Variants in FBXO34 observed in about 807,000 individuals in gnomAD.
FBXO34 encodes the protein F-box only protein 34.
A neutral mutation model predicts 24.5 loss-of-function variants in FBXO34; 12 were observed. The observed-to-expected ratio is 0.49, with a 90% CI of 0.31 to 0.79. FBXO34 has a LOEUF of 0.79. FBXO34 is among the 30% of genes least tolerant of loss of function. The pLI is 0.04. For missense variants in FBXO34, 823 were observed against 857.7 expected, an observed-to-expected ratio of 0.96 and a Z score of 0.51; for synonymous variants, 320 against 311.9, an observed-to-expected ratio of 1.03 and a Z score of -0.27.
chr14:55,292,796 T>C (rs1881985339), intron 1 of FBXO34, among the ~76,000 whole-genome samples: 1 of 152,168 alleles, frequency 6.6e-6, no homozygotes, highest in Admixed American at 6.5e-5. Context: ...TAGATTAGAC[T>C]CCCAATAGCA....
the FBXO34 span, chr14:55,411,629 A>G: frequency 6.2e-7 from 1 of 1,612,380 alleles, no homozygotes; most frequent in African/African-American, 1.3e-5. Context: ...GTCGAAGTAG[A>G]CGAAATCGCC....
chr14:55,429,124 T>A, the FBXO34 span: 1 of 929,372 alleles, frequency 1.1e-6, no homozygotes, highest in Non-Finnish European at 1.6e-6. Flanking sequence ...TTACTTCCCA[T>A]ACTTTCGTCC....
At chr14:55,421,138 T>C in the FBXO34 span, among the ~76,000 whole-genome samples, 1 of 151,334 alleles carries the variant, frequency 6.6e-6, no homozygotes, top group African/African-American at 2.4e-5. Context: ...TTTAAAGAAA[T>C]CTATAATAGG....
intron 1 of FBXO34, among the ~76,000 whole-genome samples, chr14:55,316,967 T>A (rs1882952550): frequency 6.6e-6 from 1 of 152,230 alleles, no homozygotes; most frequent in Non-Finnish European, 1.5e-5. Context: ...AAGCTCTGAA[T>A]ATGCAAGTAC....
chr14:55,380,806 T>C, the FBXO34 span: 1 of 476,486 alleles, frequency 2.1e-6, no homozygotes, highest in South Asian at 3.8e-5. Flanking sequence ...TTTTAGTGCT[T>C]CCTTAATAGA....
intron 1 of FBXO34, among the ~76,000 whole-genome samples, chr14:55,348,865 A>G (rs1307300881): frequency 6.6e-6 from 1 of 151,932 alleles, no homozygotes; most frequent in East Asian, 1.9e-4. Flanking sequence ...ATAACCTGAA[A>G]TCAGTTACCA....
chr14:55,299,761 A>G (rs1307739475), intron 1 of FBXO34, among the ~76,000 whole-genome samples: 7 of 152,230 alleles, frequency 4.6e-5, no homozygotes, highest in Non-Finnish European at 5.9e-5. Flanking sequence ...TCATTTACAT[A>G]CAAATATTTT....
At chr14:55,288,548 C>A (rs1161861000) in intron 1 of FBXO34, among the ~76,000 whole-genome samples, 1 of 152,166 alleles carries the variant, frequency 6.6e-6, no homozygotes, top group Non-Finnish European at 1.5e-5. Context: ...CTGTTTGATA[C>A]ATTTCTCAGA....
At chr14:55,314,157 C>T (rs1196818620) in intron 1 of FBXO34, among the ~76,000 whole-genome samples, 1 of 151,960 alleles carries the variant, frequency 6.6e-6, no homozygotes, top group African/African-American at 2.4e-5. Flanking sequence ...GTGATCCTTC[C>T]AGTTAGGCCT....
At chr14:55,441,274 G>A in the FBXO34 span, among the ~76,000 whole-genome samples, 7 of 152,182 alleles carry the variant, frequency 4.6e-5, no homozygotes, top group African/African-American at 1.7e-4. Context: ...CTCCCTAGCA[G>A]TTGGAATTAC....
the FBXO34 span, chr14:55,435,753 A>G: frequency 2.1e-6 from 2 of 931,674 alleles, no homozygotes; most frequent in Non-Finnish European, 3.1e-6. Context: ...ATTTTTTAAG[A>G]AAAAACAGAG....
the FBXO34 span, chr14:55,435,881 G>C: frequency 6.4e-7 from 1 of 1,572,938 alleles, no homozygotes; most frequent in Non-Finnish European, 8.6e-7. Context: ...TGCATGCAAA[G>C]CTATTTTCTT....
intron 1 of FBXO34, among the ~76,000 whole-genome samples, chr14:55,305,743 G>T (rs968314992): frequency 6.6e-6 from 1 of 151,794 alleles, no homozygotes; most frequent in East Asian, 1.9e-4. Flanking sequence ...ATAAAATTAC[G>T]TTATAAAAAT....
rs57284715 is a variant in FBXO34 at position 55,349,607 on chromosome 14, C to CTTTTTTTT, written c.-10-763_-10-756dup. Reference sequence around the variant, plus strand: ...GAATAGTTTAGGAAGCAATAATTTTCTTTTTTTTTTTTTTTTTTGAGACAA... The same window carrying CTTTTTTTT: ...GAATAGTTTAGGAAGCAATAATTTTCTTTTTTTTTTTTTTTTTTTTTTTTTTGAGACAA... On this transcript the variant is annotated intron_variant, in intron 1 of 1. Transcript: ENST00000313833. 5.1e-3 allele frequency among the ~76,000 whole-genome samples: 591 copies of CTTTTTTTT among 116,544 alleles called. 13 individuals carry two copies. Among genetic ancestry groups the CTTTTTTTT allele is most frequent in the South Asian group, 0.015 (54 of 3,612 alleles). The allele number at this position is 116,544 out of a possible 152,430, so 76.5% of individuals were successfully genotyped here.
At chr14:55,344,407 T>A (rs531818575) in intron 1 of FBXO34, among the ~76,000 whole-genome samples, 2 of 152,286 alleles carry the variant, frequency 1.3e-5, no homozygotes, top group East Asian at 3.9e-4. Flanking sequence ...CAGAAAACTT[T>A]CTCCTCATTG....
intron 1 of FBXO34, among the ~76,000 whole-genome samples, chr14:55,296,286 C>A (rs1223871225): frequency 6.7e-6 from 1 of 150,330 alleles, no homozygotes; most frequent in African/African-American, 2.5e-5. Flanking sequence ...TTAGATTCAG[C>A]AGGAAGGCAA....
intron 1 of FBXO34, among the ~76,000 whole-genome samples, chr14:55,341,988 G>T (rs1267764524): frequency 6.6e-6 from 1 of 152,012 alleles, no homozygotes; most frequent in African/African-American, 2.4e-5. Flanking sequence ...GTGTAAATTT[G>T]CATAATATTA....
chr14:55,299,539 A>C (rs1882272283), intron 1 of FBXO34, among the ~76,000 whole-genome samples: 1 of 152,138 alleles, frequency 6.6e-6, no homozygotes, highest in Non-Finnish European at 1.5e-5. Flanking sequence ...CCCTAATTAC[A>C]TCGGTATGTG....
the FBXO34 span, chr14:55,435,841 T>C: frequency 2.6e-6 from 4 of 1,544,200 alleles, no homozygotes; most frequent in Non-Finnish European, 3.5e-6. Flanking sequence ...TACTGAGAAA[T>C]GTTACCTTTG....
Sources: allele counts gnomAD v4.1 joint callset (sites outside exome capture counted in the v4.1 genomes callset), GRCh38; gene constraint gnomAD v4.1.1; transcripts MANE v1.5; gene names NCBI Gene and HGNC (gene_info 2026-07-23, HGNC 2026-07-21).